The following CADM2 variants were observed in gnomAD, a reference collection of about 807,000 sequenced individuals.
The protein encoded by CADM2 is cell adhesion molecule 2, also known as immunoglobulin superfamily member 4D.
Under a neutral mutation model 49.8 loss-of-function variants are expected in CADM2, and 12 were observed. The ratio of observed to expected loss-of-function variants is 0.24; its 90% CI spans 0.15 to 0.39. The LOEUF is 0.39. CADM2 is among the 10% of genes least tolerant of loss of function. The pLI is 1.00. For synonymous variants in CADM2, 214 were observed against 175.4 expected, an observed-to-expected ratio of 1.22 and a Z score of -1.74; for missense variants, 378 against 492.3, an observed-to-expected ratio of 0.77 and a Z score of 2.20.
At chr3:85,441,546 A>G (rs2037201398) in intron 1 of CADM2, among the ~76,000 whole-genome samples, 1 of 152,112 alleles carries the variant, frequency 6.6e-6, no homozygotes, top group Non-Finnish European at 1.5e-5. Flanking sequence ...CTGCTTGGAA[A>G]GATAAATATG....
chr3:85,141,404 G>T (rs1460869475), intron 1 of CADM2, among the ~76,000 whole-genome samples: 5 of 152,140 alleles, frequency 3.3e-5, no homozygotes, highest in Non-Finnish European at 5.9e-5. Context: ...TGGCATATGG[G>T]AAACATTGTA....
At chr3:85,326,643 G>A (rs910391021) in intron 1 of CADM2, among the ~76,000 whole-genome samples, 6 of 152,094 alleles carry the variant, frequency 3.9e-5, no homozygotes, top group East Asian at 3.9e-4. Flanking sequence ...CTAATTTGAC[G>A]AAGATGTTGA....
intron 1 of CADM2, among the ~76,000 whole-genome samples, chr3:85,724,992 G>C (rs1033321079): frequency 6.6e-6 from 1 of 151,620 alleles, no homozygotes; most frequent in African/African-American, 2.4e-5. Flanking sequence ...ACAGATAATA[G>C]TTACACTTTG....
intron 2 of CADM2, among the ~76,000 whole-genome samples, chr3:85,774,553 A>C (rs2070262824): frequency 6.6e-6 from 1 of 151,624 alleles, no homozygotes; most frequent in Non-Finnish European, 1.5e-5. Flanking sequence ...TATTATCCTC[A>C]TGAAACATTT....
chr3:85,144,376 C>T (rs1011127126), intron 1 of CADM2, among the ~76,000 whole-genome samples: 69 of 151,648 alleles, frequency 4.6e-4, no homozygotes, highest in African/African-American at 1.6e-3. Context: ...TTTGGGAGAC[C>T]GAGGCGGGCA....
At position 85,368,540 on chromosome 3, in the gene CADM2, A is replaced by G. The variant is rs554698304; in HGVS notation, c.62-357982A>G. On this transcript the variant is annotated intron_variant, in intron 1 of 9. Transcript: ENST00000383699. Reference sequence around the variant, plus strand: ...TACATGAATATTAATATATATTAATATATACCTGAATATATATATACCTGA... The same window carrying G: ...TACATGAATATTAATATATATTAATGTATACCTGAATATATATATACCTGA... Among the ~76,000 whole-genome samples the G allele has an allele frequency of 1.4e-3, 215 of 150,098 alleles. 1 individual carries two copies. The highest frequency in any genetic ancestry group is 4.4e-3 in the South Asian group (21 of 4,792).
intron 1 of CADM2, among the ~76,000 whole-genome samples, chr3:85,222,195 C>T (rs2042059340): frequency 6.6e-6 from 1 of 152,026 alleles, no homozygotes; most frequent in African/African-American, 2.4e-5. Flanking sequence ...ATACGTCTGT[C>T]GTATATCTGA....
In CADM2 at chr3:86,068,415, C is replaced by A. The variant is rs545003135; in HGVS notation, c.*1632C>A. The A allele has an allele frequency of 3.9e-5, 6 of 151,924 alleles. No homozygotes were observed. The highest frequency in any genetic ancestry group is 1.4e-4 in the African/African-American group (6 of 41,508). The allele number at this position is 151,924 out of a possible 1,614,324, so 9.4% of individuals were successfully genotyped here. A position where few individuals can be genotyped will look rare whatever the true frequency, so the allele number is the denominator to read the frequency against. Reference sequence around the variant, plus strand: ...AAAATCCCATTTACAAGCATTGCACCTTTAAGAAGAAAACAAATATGACAG... The same window carrying A: ...AAAATCCCATTTACAAGCATTGCACATTTAAGAAGAAAACAAATATGACAG... On this transcript the variant is annotated 3_prime_UTR_variant, in exon 10 of 10. Coordinates refer to ENST00000383699, the MANE Select transcript of CADM2 (RefSeq NM_001167675.2).
chr3:85,984,115 T>A (rs1185776038), intron 8 of CADM2, among the ~76,000 whole-genome samples: 2 of 149,854 alleles, frequency 1.3e-5, no homozygotes, highest in Non-Finnish European at 3.0e-5. Context: ...ATATTACATA[T>A]GATGTGTACA....
intron 8 of CADM2, among the ~76,000 whole-genome samples, chr3:85,969,632 G>GTA (rs1369368258): frequency 6.6e-6 from 1 of 150,570 alleles, no homozygotes; most frequent in Non-Finnish European, 1.5e-5. Context: ...ATATACATAT[G>GTA]TATATATATG....
chr3:85,310,956 C>G lies in CADM2; in HGVS notation c.61+351288C>G, dbSNP rs58080437. On this transcript the variant is annotated intron_variant, in intron 1 of 9. Coordinates refer to ENST00000383699, the MANE Select transcript of CADM2 (RefSeq NM_001167675.2). Reference sequence around the variant, plus strand: ...GAGTCTATGGGAAAAGTGAGTGGTTCTAAACTATGCTAGAGGCCAATAATG... The same window carrying G: ...GAGTCTATGGGAAAAGTGAGTGGTTGTAAACTATGCTAGAGGCCAATAATG... Among the ~76,000 whole-genome samples, 489 of 152,220 alleles carry G rather than the reference C, an allele frequency of 3.2e-3. 7 individuals carry two copies. The highest frequency in any genetic ancestry group is 0.011 in the African/African-American group (451 of 41,528).
At chr3:85,844,958 A>T (rs2074807063) in intron 3 of CADM2, among the ~76,000 whole-genome samples, 1 of 151,772 alleles carries the variant, frequency 6.6e-6, no homozygotes, top group Non-Finnish European at 1.5e-5. Context: ...TGAGACCAGC[A>T]TGGGCAACAG....
intron 8 of CADM2, among the ~76,000 whole-genome samples, chr3:86,039,082 G>C (rs774561480): frequency 3.0e-4 from 46 of 152,132 alleles, no homozygotes; most frequent in Non-Finnish European, 6.0e-4. Flanking sequence ...TGTAAACAGA[G>C]GGGGTGGAGC....
chr3:85,239,674 A>G (rs1291797186), intron 1 of CADM2, among the ~76,000 whole-genome samples: 1 of 151,482 alleles, frequency 6.6e-6, no homozygotes. Context: ...TAGGTTTTTT[A>G]TAATTACAAG....
In CADM2 at chr3:84,959,222, A is replaced by G. The variant is rs1284560263; in HGVS notation, c.-386A>G. The G allele has an allele frequency of 6.3e-6, 2 of 316,848 alleles. No individual in the cohort carries two copies. 19.6% of individuals were successfully genotyped at this position (316,848 alleles called of 1,614,324 possible). A position where few individuals can be genotyped will look rare whatever the true frequency, so the allele number is the denominator to read the frequency against. On this transcript the variant is annotated 5_prime_UTR_variant, in exon 1 of 10. Transcript: ENST00000383699. ...CCTCCGTGACCTACCCACTCCTTGC[A>G]GCCCTCGCCCGCACCTTCTCCAACA...
intron 1 of CADM2, among the ~76,000 whole-genome samples, chr3:85,048,263 A>G (rs1007930138): frequency 6.6e-6 from 1 of 152,212 alleles, no homozygotes; most frequent in African/African-American, 2.4e-5. Flanking sequence ...TAAAGAATCA[A>G]TAAGAGTTAC....
intron 1 of CADM2, among the ~76,000 whole-genome samples, chr3:85,338,348 C>A (rs2045147246): frequency 1.3e-5 from 2 of 151,516 alleles, no homozygotes; most frequent in Admixed American, 1.3e-4. Context: ...ATCCAATCCA[C>A]CTTTGTCTAG....
At chr3:85,526,777 A>G (rs2106928393) in intron 1 of CADM2, among the ~76,000 whole-genome samples, 1 of 152,274 alleles carries the variant, frequency 6.6e-6, no homozygotes, top group African/African-American at 2.4e-5. Flanking sequence ...AATATGTGCA[A>G]GACATCATCA....
At chr3:85,128,829 A>T (rs1366389921) in intron 1 of CADM2, among the ~76,000 whole-genome samples, 1 of 152,156 alleles carries the variant, frequency 6.6e-6, no homozygotes, top group African/African-American at 2.4e-5. Context: ...AGGCTTTTAT[A>T]ATGTATCTTT....
Sources: gnomAD v4.1 joint callset for allele counts (sites outside exome capture counted in the v4.1 genomes callset) on GRCh38, gnomAD v4.1.1 for gene constraint, MANE v1.5 for transcripts, NCBI Gene and HGNC (gene_info 2026-07-23, HGNC 2026-07-21) for gene names.